FBXL20: variants seen among roughly 807,000 people sequenced by gnomAD.
FBXL20 encodes F-box/LRR-repeat protein 20.
In FBXL20, 11 loss-of-function variants were observed where a neutral mutation model predicts 64.0. That is an observed-to-expected ratio of 0.17 (90% CI 0.11 to 0.28). The LOEUF is 0.28. Ranked by LOEUF, FBXL20 falls within the 10% of genes least tolerant of loss-of-function variation. The probability of loss-of-function intolerance (pLI) is 1.00; values close to 1 mark genes in which losing one functional copy is unlikely to be tolerated. For missense variants in FBXL20, 303 were observed against 526.2 expected (o/e 0.58, Z 4.15); for synonymous variants, 184 against 189.0 (o/e 0.97, Z 0.22).
intron 1 of FBXL20, among the ~76,000 whole-genome samples, chr17:39,353,017 TTAGAA>T (rs905141039): frequency 6.6e-6 from 1 of 152,118 alleles, no homozygotes; most frequent in African/African-American, 2.4e-5. Flanking sequence ...ATTCTGCTGC[TTAGAA>T]TAGGATTAGG....
chr17:39,283,676 A>G (rs2046966537), intron 7 of FBXL20, among the ~76,000 whole-genome samples: 1 of 150,698 alleles, frequency 6.6e-6, no homozygotes. Flanking sequence ...GGCCCTGTGT[A>G]TTTCCTTATC....
chr17:39,337,415 G>A (rs1343635024), intron 2 of FBXL20, among the ~76,000 whole-genome samples: 1 of 152,112 alleles, frequency 6.6e-6, no homozygotes, highest in Non-Finnish European at 1.5e-5. Context: ...CACCCCATCT[G>A]GGAAGTGAGG....
At chr17:39,305,822 C>T (rs2047176739) in intron 2 of FBXL20, among the ~76,000 whole-genome samples, 1 of 151,918 alleles carries the variant, frequency 6.6e-6, no homozygotes, top group Non-Finnish European at 1.5e-5. Context: ...CCCGTTTCTA[C>T]TAAAAATACA....
chr17:39,304,124 T>TG (rs1359599422), intron 2 of FBXL20, among the ~76,000 whole-genome samples: 1 of 151,704 alleles, frequency 6.6e-6, no homozygotes, highest in East Asian at 1.9e-4. Context: ...TAAAACACAG[T>TG]GGGAAAAAAT....
At chr17:39,335,420 T>C (rs2047510884) in intron 2 of FBXL20, among the ~76,000 whole-genome samples, 1 of 151,604 alleles carries the variant, frequency 6.6e-6, no homozygotes, top group Admixed American at 6.6e-5. Context: ...GTGTCTCTAC[T>C]AAAAATGCAA....
intron 2 of FBXL20, among the ~76,000 whole-genome samples, chr17:39,314,758 G>A (rs2047268800): frequency 6.6e-6 from 1 of 151,110 alleles, no homozygotes; most frequent in African/African-American, 2.4e-5. Context: ...ATTCTCACGA[G>A]CAGTTTGTGA....
chr17:39,324,663 G>C (rs531560242), intron 2 of FBXL20, among the ~76,000 whole-genome samples: 1 of 152,142 alleles, frequency 6.6e-6, no homozygotes, highest in South Asian at 2.1e-4. Context: ...TTAGAGTTTG[G>C]CAATTCATTT....
At chr17:39,400,344 GT>G (rs1240995220) in intron 1 of FBXL20, among the ~76,000 whole-genome samples, 3 of 152,172 alleles carry the variant, frequency 2.0e-5, no homozygotes, top group African/African-American at 7.2e-5. Context: ...GAACCTAGTT[GT>G]CGAGTTTCTT....
chr17:39,343,572 T>A (rs1007968172), intron 1 of FBXL20, among the ~76,000 whole-genome samples: 1 of 152,118 alleles, frequency 6.6e-6, no homozygotes, highest in African/African-American at 2.4e-5. Context: ...TTACCAAAGG[T>A]CTACTGCTCA....
chr17:39,335,637 G>C (rs1393359917), intron 2 of FBXL20, among the ~76,000 whole-genome samples: 2 of 149,480 alleles, frequency 1.3e-5, no homozygotes, highest in African/African-American at 2.5e-5. Flanking sequence ...TCACTTCACA[G>C]TAGCTCTTGG....
intron 9 of FBXL20, among the ~76,000 whole-genome samples, chr17:39,275,878 G>C (rs979160633): frequency 6.6e-6 from 1 of 152,026 alleles, no homozygotes; most frequent in African/African-American, 2.4e-5. Context: ...CTATATTTTA[G>C]TTTTATAATA....
intron 2 of FBXL20, among the ~76,000 whole-genome samples, chr17:39,308,257 CGT>C (rs1376095120): frequency 2.6e-5 from 4 of 151,578 alleles, no homozygotes; most frequent in African/African-American, 9.7e-5. Flanking sequence ...GCATTACAGG[CGT>C]GTGTCACCAC....
chr17:39,368,666 G>C (rs1192260375), intron 1 of FBXL20, among the ~76,000 whole-genome samples: 1 of 151,944 alleles, frequency 6.6e-6, no homozygotes, highest in South Asian at 2.1e-4. Context: ...TTTGTTTTTT[G>C]TTTTATTGAG....
upstream of FBXL20, chr17:39,402,232 T>TC: frequency 8.1e-7 from 1 of 1,231,768 alleles, no homozygotes; most frequent in Middle Eastern, 3.1e-4. Flanking sequence ...TTCCTCCTCT[T>TC]CTGGATGTGT....
intron 1 of FBXL20, among the ~76,000 whole-genome samples, chr17:39,370,132 A>G (rs1035538627): frequency 1.3e-5 from 2 of 152,036 alleles, no homozygotes; most frequent in Non-Finnish European, 2.9e-5. Flanking sequence ...TAAAATATTA[A>G]TGGAATTAAT....
At chr17:39,346,320 G>A (rs935075287) in intron 1 of FBXL20, among the ~76,000 whole-genome samples, 11 of 151,666 alleles carry the variant, frequency 7.3e-5, no homozygotes, top group Non-Finnish European at 1.6e-4. Context: ...CAGACTGGGC[G>A]ACAGAGTGAG....
At chr17:39,332,478 C>G (rs2047470685) in intron 2 of FBXL20, among the ~76,000 whole-genome samples, 1 of 147,840 alleles carries the variant, frequency 6.8e-6, no homozygotes, top group South Asian at 2.2e-4. Context: ...AAGCTTACTT[C>G]TAGTTTCCTA....
In FBXL20 at chr17:39,271,921, A is replaced by G. The variant is rs556794948; in HGVS notation, c.828-1065T>C. On this transcript the variant is annotated intron_variant, in intron 10 of 14. Coordinates refer to ENST00000264658, the MANE Select transcript of FBXL20 (RefSeq NM_032875.3). ...ACTGAAGTTGAAAAAAATTGAAGTTAAAGTATAGGAAACAATTATCAACTG... is the reference window on the plus strand; with the variant it reads ...ACTGAAGTTGAAAAAAATTGAAGTTGAAGTATAGGAAACAATTATCAACTG... Among the ~76,000 whole-genome samples, 30 of 152,260 alleles carry G rather than the reference A, an allele frequency of 2.0e-4. No homozygotes were observed. In the East Asian group the frequency reaches 5.0e-3, roughly 25 times the overall value.
chr17:39,339,304 A>G (rs2047559411), intron 2 of FBXL20, among the ~76,000 whole-genome samples: 1 of 152,084 alleles, frequency 6.6e-6, no homozygotes, highest in Non-Finnish European at 1.5e-5. Flanking sequence ...CCCCATCTCT[A>G]TGAAAATTTA....
Sources: allele counts gnomAD v4.1 joint callset (sites outside exome capture counted in the v4.1 genomes callset), GRCh38; gene constraint gnomAD v4.1.1; transcripts MANE v1.5; gene names NCBI Gene and HGNC (gene_info 2026-07-23, HGNC 2026-07-21).